MAP3K20: variants seen among roughly 807,000 people sequenced by gnomAD.
The protein encoded by MAP3K20 is HCCS-4.
MAP3K20 carries 40 observed loss-of-function variants against 85.7 expected under a neutral mutation model. The observed-to-expected ratio is 0.47, with a 90% CI of 0.36 to 0.61. The LOEUF (loss-of-function observed/expected upper bound fraction) is 0.61. Ranked by LOEUF, MAP3K20 falls within the 20% of genes least tolerant of loss-of-function variation. MAP3K20 has a pLI of 0.00. For synonymous variants in MAP3K20, 325 were observed against 327.7 expected (o/e 0.99, Z 0.09); for missense variants, 817 against 961.7 (o/e 0.85, Z 1.99).
intron 10 of MAP3K20, among the ~76,000 whole-genome samples, chr2:173,213,716 G>T (rs937882340): frequency 1.3e-5 from 2 of 152,148 alleles, no homozygotes; most frequent in Middle Eastern, 3.2e-3. Flanking sequence ...TGTACAGTGC[G>T]GTTACTAGAC....
rs753846897 is a variant in MAP3K20, at chr2:173,177,679, C to T, written c.248-5175C>T. Among the ~76,000 whole-genome samples the T allele has an allele frequency of 8.7e-4, 132 of 152,276 alleles. 1 individual carries two copies. The highest frequency in any genetic ancestry group is 6.8e-3 in the Middle Eastern group (2 of 294). ...TCCTGACCTCAGGTGATCCACCTGC[C>T]TCAGCCTCCCAAAGTGTTGGGATTA... On this transcript the variant is annotated intron_variant, in intron 3 of 19. Coordinates refer to ENST00000375213, the MANE Select transcript of MAP3K20 (RefSeq NM_016653.3).
chr2:173,193,825 A>G (rs1690737447), intron 7 of MAP3K20, among the ~76,000 whole-genome samples: 2 of 152,164 alleles, frequency 1.3e-5, no homozygotes, highest in Admixed American at 6.5e-5. Flanking sequence ...TTTTCTCTCT[A>G]CTTGTGTGCT....
intron 1 of MAP3K20, 143 bp downstream of exon 1, chr2:173,076,145 C>T (rs2106127606): frequency 1.9e-6 from 1 of 540,328 alleles, no homozygotes; most frequent in Non-Finnish European, 2.4e-6. Flanking sequence ...CTCGGGGCTC[C>T]CCTCCCCGAC....
chr2:173,256,283 C>A (rs1474639248), intron 16 of MAP3K20, among the ~76,000 whole-genome samples: 1 of 152,190 alleles, frequency 6.6e-6, no homozygotes, highest in Non-Finnish European at 1.5e-5. Context: ...GCATTTTCAG[C>A]ATGTGAGGTG....
intron 17 of MAP3K20, among the ~76,000 whole-genome samples, chr2:173,259,105 G>A (rs1269293151): frequency 6.6e-6 from 1 of 151,996 alleles, no homozygotes; most frequent in African/African-American, 2.4e-5. Flanking sequence ...ATTTATTAAA[G>A]GAGGGAAAAT....
intron 2 of MAP3K20, among the ~76,000 whole-genome samples, chr2:173,134,428 A>ATTTT (rs1274644433): frequency 0.011 from 36 of 3,146 alleles, 9 homozygotes; most frequent in East Asian, 0.045. Context: ...ATATATATAT[A>ATTTT]TTTTTTTTTT....
At chr2:173,252,258 C>T (rs1685056775) in intron 16 of MAP3K20, among the ~76,000 whole-genome samples, 1 of 152,194 alleles carries the variant, frequency 6.6e-6, no homozygotes, top group Non-Finnish European at 1.5e-5. Context: ...TGATTTCTCA[C>T]AAAGAGATAC....
chr2:173,224,870 G>C (rs1319970745), intron 11 of MAP3K20: 1 of 985,210 alleles, frequency 1.0e-6, no homozygotes, highest in African/African-American at 1.7e-5. Flanking sequence ...AATTTCTAAT[G>C]ATGATATTGT....
intron 11 of MAP3K20, among the ~76,000 whole-genome samples, chr2:173,227,299 T>C (rs1176314432): frequency 6.6e-6 from 1 of 152,150 alleles, no homozygotes; most frequent in East Asian, 1.9e-4. Context: ...TGTAAAGTGA[T>C]GGGACAGTCA....
At chr2:173,222,454 T>C (rs1274483876) in intron 11 of MAP3K20, 1 of 985,750 alleles carries the variant, frequency 1.0e-6, no homozygotes, top group Admixed American at 6.1e-5. Flanking sequence ...CATGGAAGCC[T>C]CTTAACAACA....
At chr2:173,172,177 G>A (rs979980561) in intron 3 of MAP3K20, among the ~76,000 whole-genome samples, 3 of 152,248 alleles carry the variant, frequency 2.0e-5, no homozygotes, top group Non-Finnish European at 4.4e-5. Context: ...TTAGTATGAG[G>A]CAGTTAAGAG....
At chr2:173,233,681 C>T (rs1238457589) in intron 14 of MAP3K20, among the ~76,000 whole-genome samples, 1 of 152,186 alleles carries the variant, frequency 6.6e-6, no homozygotes, top group African/African-American at 2.4e-5. Context: ...TCCACACCTT[C>T]ACAAAGGCTC....
intron 2 of MAP3K20, among the ~76,000 whole-genome samples, chr2:173,141,224 GTAT>G (rs1285634646): frequency 3.9e-5 from 6 of 151,916 alleles, no homozygotes; most frequent in African/African-American, 1.2e-4. Flanking sequence ...TTCTCGTGTA[GTAT>G]TATTAGAAAA....
At chr2:173,109,061 A>G (rs541820678) in intron 2 of MAP3K20, among the ~76,000 whole-genome samples, 3 of 152,322 alleles carry the variant, frequency 2.0e-5, no homozygotes, top group East Asian at 3.9e-4. Context: ...AATGTCATTG[A>G]TGGCCCAGAA....
chr2:173,255,128 A>G (rs781777104), intron 16 of MAP3K20, among the ~76,000 whole-genome samples: 50 of 152,376 alleles, frequency 3.3e-4, no homozygotes, highest in Non-Finnish European at 6.6e-4. Context: ...TAAAAATAAA[A>G]GGTCTCTAAC....
At chr2:173,106,549 A>T (rs979138189) in intron 2 of MAP3K20, among the ~76,000 whole-genome samples, 5 of 152,186 alleles carry the variant, frequency 3.3e-5, no homozygotes. Flanking sequence ...CAATCAGGTT[A>T]TGTGTTTTCT....
intron 2 of MAP3K20, among the ~76,000 whole-genome samples, chr2:173,106,655 T>C (rs1206473494): frequency 6.6e-6 from 1 of 152,172 alleles, no homozygotes; most frequent in Non-Finnish European, 1.5e-5. Context: ...GAAGGAAAAG[T>C]AGAACCATGA....
intron 2 of MAP3K20, among the ~76,000 whole-genome samples, chr2:173,146,163 G>A (rs1017666134): frequency 4.6e-5 from 7 of 151,826 alleles, no homozygotes; most frequent in African/African-American, 1.7e-4. Flanking sequence ...TTCACTTAAG[G>A]TCTGTGTATT....
At chr2:173,229,099 C>A (rs1684458001) in intron 11 of MAP3K20, among the ~76,000 whole-genome samples, 1 of 152,206 alleles carries the variant, frequency 6.6e-6, no homozygotes, top group African/African-American at 2.4e-5. Context: ...TTCATTTGTA[C>A]TTGTGAACCT....
Sources: allele counts gnomAD v4.1 joint callset (sites outside exome capture counted in the v4.1 genomes callset), GRCh38; gene constraint gnomAD v4.1.1; transcripts MANE v1.5; gene names NCBI Gene and HGNC (gene_info 2026-07-23, HGNC 2026-07-21).